The following TMEM217 variants were observed in gnomAD, a reference collection of about 807,000 sequenced individuals.
The protein encoded by TMEM217 is transmembrane protein 217, also known as chromosome 6 open reading frame 128.
For synonymous variants in TMEM217, 76 were observed against 88.3 expected (o/e 0.86, Z 0.78); for missense variants, 204 against 248.8 (o/e 0.82, Z 1.21).
intron 1 of TMEM217, among the ~76,000 whole-genome samples, chr6:37,227,357 GTTC>G (rs1424163886): frequency 2.0e-5 from 3 of 151,968 alleles, no homozygotes; most frequent in Admixed American, 1.3e-4. Context: ...CTCTTTCCTA[GTTC>G]TTCTCCTTCC....
At chr6:37,218,166 T>G in exon 2 of TMEM217, 2 of 1,137,674 alleles carry the variant, frequency 1.8e-6, no homozygotes. Flanking sequence ...ATAAAGCTGC[T>G]AACTTTTTTT....
At chr6:37,249,146 C>A in intron 1 of TMEM217, among the ~76,000 whole-genome samples, 1 of 152,152 alleles carries the variant, frequency 6.6e-6, no homozygotes, top group East Asian at 1.9e-4. Flanking sequence ...GTTAAAGATC[C>A]TTTTTCTGAA....
intron 1 of TMEM217, among the ~76,000 whole-genome samples, chr6:37,224,234 C>T (rs1022096242): frequency 3.3e-5 from 5 of 150,784 alleles, no homozygotes; most frequent in African/African-American, 4.9e-5. Context: ...CCACCGCGCC[C>T]GGCCTCTGCC....
chr6:37,221,985 G>C lies in TMEM217; in HGVS notation c.-11-2944C>G, dbSNP rs186830687. On this transcript the variant is annotated intron_variant, in intron 1 of 1. Coordinates refer to ENST00000357219, the Ensembl canonical transcript of TMEM217. ...TCAGAAGAGAGGGTAGTTCCTCTCTGTAGCTGGTCCTCCCATTGTCTCCTG... is the reference window on the plus strand; with the variant it reads ...TCAGAAGAGAGGGTAGTTCCTCTCTCTAGCTGGTCCTCCCATTGTCTCCTG... 1.2e-4 allele frequency among the ~76,000 whole-genome samples: 19 copies of C among 152,262 alleles called. No individual in the cohort carries two copies. In the East Asian group the frequency reaches 3.5e-3, roughly 28 times the overall value.
At chr6:37,222,324 C>G (rs562433785) in intron 1 of TMEM217, among the ~76,000 whole-genome samples, 14 of 152,214 alleles carry the variant, frequency 9.2e-5, no homozygotes, top group Non-Finnish European at 1.9e-4. Context: ...CCATGGCCCC[C>G]CCAGGGCTCG....
downstream of TMEM217, among the ~76,000 whole-genome samples, chr6:37,213,762 A>G (rs1293684058): frequency 6.6e-6 from 1 of 152,264 alleles, no homozygotes; most frequent in African/African-American, 2.4e-5. Context: ...AGGCTGGAGT[A>G]GGCTGGGCCT....
At chr6:37,213,229 C>T (rs1763004165), downstream of TMEM217, among the ~76,000 whole-genome samples, 1 of 152,228 alleles carries the variant, frequency 6.6e-6, no homozygotes, top group South Asian at 2.1e-4. Flanking sequence ...TCCTAAGTAG[C>T]TTCCAATTCT....
downstream of TMEM217, among the ~76,000 whole-genome samples, chr6:37,216,354 C>T (rs2113804008): frequency 6.6e-6 from 1 of 152,264 alleles, no homozygotes; most frequent in Non-Finnish European, 1.5e-5. Context: ...ATTGGGATTA[C>T]AGACGTGAGC....
chr6:37,229,123 AT>A (rs1224708414), intron 1 of TMEM217, among the ~76,000 whole-genome samples: 3 of 152,040 alleles, frequency 2.0e-5, no homozygotes, highest in Non-Finnish European at 4.4e-5. Context: ...AATTGTGTGT[AT>A]TTATTTCCTC....
Position 37,257,910 on chromosome 6 carries a change from C to G in TMEM217, c.-354G>C, listed in dbSNP as rs779851902. The G allele has an allele frequency of 1.9e-6, 3 of 1,613,244 alleles. No homozygotes were observed. In the African/African-American group the frequency reaches 4.0e-5, roughly 22 times the overall value. ...GCCCGCCTACAAGGACTTCCCCCGG[C>G]CAGAGCAATGGCCGCTGAGAACAGC... On this transcript the variant is annotated 5_prime_UTR_variant, in exon 1 of 2. Coordinates refer to ENST00000357219, the Ensembl canonical transcript of TMEM217.
chr6:37,242,784 T>A (rs556526025), intron 1 of TMEM217, among the ~76,000 whole-genome samples: 5 of 152,204 alleles, frequency 3.3e-5, no homozygotes, highest in African/African-American at 1.2e-4. Flanking sequence ...GGGCTCTAGG[T>A]TGGCATCTGT....
intron 1 of TMEM217, among the ~76,000 whole-genome samples, chr6:37,236,444 T>G (rs955516322): frequency 6.6e-6 from 1 of 152,162 alleles, no homozygotes. Flanking sequence ...GGTTCAATCC[T>G]GGGGTGGGAG....
At chr6:37,255,219 G>A (rs1204394553) in intron 1 of TMEM217, among the ~76,000 whole-genome samples, 1 of 152,162 alleles carries the variant, frequency 6.6e-6, no homozygotes, top group Non-Finnish European at 1.5e-5. Context: ...CAATGGGCAT[G>A]GCTGCAGCAG....
At chr6:37,213,104 T>G, downstream of TMEM217, 12 of 767,270 alleles carry the variant, frequency 1.6e-5, no homozygotes, top group East Asian at 2.7e-5. Flanking sequence ...AATGATGGTG[T>G]GTGGACAGGC....
intron 1 of TMEM217, among the ~76,000 whole-genome samples, chr6:37,245,253 G>T (rs562566341): frequency 6.6e-6 from 1 of 152,328 alleles, no homozygotes; most frequent in Admixed American, 6.5e-5. Context: ...ATAACACAGA[G>T]CTGGGTCACT....
chr6:37,243,161 C>G (rs754917033), intron 1 of TMEM217, among the ~76,000 whole-genome samples: 1 of 152,178 alleles, frequency 6.6e-6, no homozygotes, highest in South Asian at 2.1e-4. Context: ...ATAAAGTCCA[C>G]CACGGAGATG....
exon 2 of TMEM217, chr6:37,218,869 G>A (rs780943619): frequency 1.2e-5 from 20 of 1,614,066 alleles, no homozygotes; most frequent in Admixed American, 3.3e-5. Flanking sequence ...TATTTATGAT[G>A]TTACTTGCAC....
chr6:37,221,484 G>C (rs982930901), intron 1 of TMEM217, among the ~76,000 whole-genome samples: 1 of 152,112 alleles, frequency 6.6e-6, no homozygotes, highest in Admixed American at 6.5e-5. Flanking sequence ...ACCCCACCTG[G>C]CCATGTAAGT....
At chr6:37,242,998 A>G (rs561885643) in intron 1 of TMEM217, among the ~76,000 whole-genome samples, 1 of 152,290 alleles carries the variant, frequency 6.6e-6, no homozygotes, top group South Asian at 2.1e-4. Context: ...TAGCTGCAGG[A>G]GAGGCTGGGA....
Sources: allele counts gnomAD v4.1 joint callset (sites outside exome capture counted in the v4.1 genomes callset), GRCh38; gene constraint gnomAD v4.1.1; transcripts MANE v1.5; gene names NCBI Gene and HGNC (gene_info 2026-07-23, HGNC 2026-07-21).